Variants in BTBD2 observed in about 807,000 individuals in gnomAD.
BTBD2 encodes BTB/POZ domain-containing protein 2.
In BTBD2, 15 loss-of-function variants were observed where a neutral mutation model predicts 44.0. That is an observed-to-expected ratio of 0.34 (90% CI 0.23 to 0.53). The LOEUF (loss-of-function observed/expected upper bound fraction) is 0.53. BTBD2 is among the 20% of genes least tolerant of loss of function. The probability of loss-of-function intolerance (pLI) is 0.95; values close to 1 mark genes in which losing one functional copy is unlikely to be tolerated. For synonymous variants in BTBD2, 443 were observed against 335.9 expected, an observed-to-expected ratio of 1.32 and a Z score of -3.49; for missense variants, 657 against 746.4, an observed-to-expected ratio of 0.88 and a Z score of 1.39.
chr19:1,999,349 A>C (rs942313260), intron 1 of BTBD2, among the ~76,000 whole-genome samples: 14 of 152,208 alleles, frequency 9.2e-5, no homozygotes, highest in African/African-American at 3.1e-4. Flanking sequence ...GGCTGGCCCT[A>C]AACAGTGGCT....
chr19:1,990,241 A>C (rs1238700748), intron 4 of BTBD2, 40 bp from the exon 5 acceptor site: 49 of 1,551,914 alleles, frequency 3.2e-5, no homozygotes, highest in Non-Finnish European at 4.3e-5. Context: ...CACGACACCC[A>C]CATGCCCACC....
chr19:1,997,015 T>C (rs1250478053), intron 2 of BTBD2, among the ~76,000 whole-genome samples: 5 of 151,802 alleles, frequency 3.3e-5, no homozygotes, highest in Non-Finnish European at 7.4e-5. Flanking sequence ...CCATCTCTAC[T>C]AAAAATACAA....
chr19:2,006,728 G>C (rs1289609293), intron 1 of BTBD2, among the ~76,000 whole-genome samples: 1 of 150,568 alleles, frequency 6.6e-6, no homozygotes, highest in African/African-American at 2.4e-5. Context: ...CACTCTTGTT[G>C]ACCAGGCTGG....
At chr19:2,011,898 A>G (rs2016469288) in intron 1 of BTBD2, among the ~76,000 whole-genome samples, 3 of 151,660 alleles carry the variant, frequency 2.0e-5, no homozygotes, top group African/African-American at 7.3e-5. Flanking sequence ...TCTGTCGCCC[A>G]GGCTGGAGTG....
chr19:2,015,059 G>A (rs1191723877), intron 1 of BTBD2, among the ~76,000 whole-genome samples: 1 of 150,920 alleles, frequency 6.6e-6, no homozygotes, highest in Non-Finnish European at 1.5e-5. Context: ...GAGGGGTGCA[G>A]GGGTCCCAGG....
At chr19:2,009,401 T>A (rs962672312) in intron 1 of BTBD2, among the ~76,000 whole-genome samples, 1 of 151,802 alleles carries the variant, frequency 6.6e-6, no homozygotes, top group Non-Finnish European at 1.5e-5. Flanking sequence ...GGTTTCACCA[T>A]GTTGTCCAGG....
chr19:1,990,615 A>T, intron 4 of BTBD2, 102 bp downstream of exon 4: 1 of 1,094,642 alleles, frequency 9.1e-7, no homozygotes, highest in Non-Finnish European at 1.3e-6. Flanking sequence ...GCCCCAGCTC[A>T]CCTGTGCAAC....
At chr19:1,991,707 C>T (rs575485994) in intron 3 of BTBD2, among the ~76,000 whole-genome samples, 2 of 152,280 alleles carry the variant, frequency 1.3e-5, no homozygotes, top group Admixed American at 6.5e-5. Flanking sequence ...TCCCCTCTGG[C>T]CACCCTCCAC....
intron 1 of BTBD2, among the ~76,000 whole-genome samples, chr19:2,000,630 T>C (rs2016317249): frequency 6.6e-6 from 1 of 152,142 alleles, no homozygotes; most frequent in South Asian, 2.1e-4. Flanking sequence ...CTGCCTCCTC[T>C]GCCCACCGTG....
At chr19:2,010,588 C>T (rs914862974) in intron 1 of BTBD2, among the ~76,000 whole-genome samples, 4 of 152,112 alleles carry the variant, frequency 2.6e-5, no homozygotes, top group African/African-American at 7.2e-5. Context: ...CTCTGCTCAT[C>T]GGTGAACTCC....
At position 2,008,008 on chromosome 19, in the gene BTBD2, C is replaced by CTT. The variant is rs59464609; in HGVS notation, c.407+7287_407+7288dup. 9.1e-3 allele frequency among the ~76,000 whole-genome samples: 1,303 copies of CTT among 142,992 alleles called. 12 individuals are homozygous for CTT. Among genetic ancestry groups the CTT allele is most frequent in the African/African-American group, 0.031 (1,211 of 39,152 alleles). 93.8% of individuals were successfully genotyped at this position (142,992 alleles called of 152,430 possible). The stretch of plus-strand genomic sequence containing the variant: ...AATGTGTCAGACCAGCTGAGAAAGT[C>CTT]TTTTTTTTTTTTTGAGACAGAATTT... On this transcript the variant is annotated intron_variant, in intron 1 of 8. Coordinates refer to ENST00000255608, the MANE Select transcript of BTBD2 (RefSeq NM_017797.4).
intron 1 of BTBD2, among the ~76,000 whole-genome samples, chr19:2,012,795 G>C (rs117683714): frequency 6.6e-6 from 1 of 152,094 alleles, no homozygotes; most frequent in African/African-American, 2.4e-5. Flanking sequence ...CTTTGCAACC[G>C]AGCCAGCGGT....
intron 6 of BTBD2, 100 bp downstream of exon 6, chr19:1,987,400 T>C (rs2016104670): frequency 9.7e-7 from 1 of 1,030,282 alleles, no homozygotes; most frequent in Non-Finnish European, 1.3e-6. Context: ...GTCTTCATCA[T>C]CCCTGAGTTC....
intron 1 of BTBD2, chr19:2,014,449 G>C (rs1197865827): frequency 1.3e-5 from 2 of 153,684 alleles, no homozygotes; most frequent in East Asian, 3.9e-4. Context: ...AGGGGACCCA[G>C]GGATGCAGGC....
chr19:1,997,206 A>C (rs2016262454), intron 2 of BTBD2, 138 bp downstream of exon 2: 2 of 1,303,142 alleles, frequency 1.5e-6, no homozygotes, highest in African/African-American at 1.5e-5. Flanking sequence ...GTGCCTCTGG[A>C]ACCCCTCATT....
At chr19:1,986,808 A>AC in intron 8 of BTBD2, 22 bp downstream of exon 8, 1 of 1,590,122 alleles carries the variant, frequency 6.3e-7, no homozygotes, top group Admixed American at 1.7e-5. Flanking sequence ...CCACGGAGGG[A>AC]CCCCTGTCCC....
rs141443404 is a variant in BTBD2 at position 2,012,309 on chromosome 19, C to T, written c.407+2988G>A. 6.0e-5 allele frequency among the ~76,000 whole-genome samples: 9 copies of T among 150,818 alleles called. No homozygotes were observed. The South Asian group carries it at 6.2e-4, about 10-fold the overall frequency. The stretch of plus-strand genomic sequence containing the variant: ...CTGGGATTACAGGTGTGCGCCACCA[C>T]GCCCGGCTAATTTTTGTATTTTTGT... On this transcript the variant is annotated intron_variant, in intron 1 of 8. Transcript: ENST00000255608.
At chr19:2,004,380 A>C (rs1264643211) in intron 1 of BTBD2, among the ~76,000 whole-genome samples, 2 of 150,300 alleles carry the variant, frequency 1.3e-5, no homozygotes, top group Non-Finnish European at 3.0e-5. Flanking sequence ...AAATCACAAA[A>C]TCTGCCTCCC....
At position 2,015,564 on chromosome 19, in the gene BTBD2, G is replaced by A. The variant is rs2016524907; in HGVS notation, c.140C>T (p.Ala47Val). The change falls in exon 1 of 9, where the codon GCC becomes GTC. Residue 47 changes from alanine to valine, a missense_variant. Ala to Val is a moderately conservative substitution (Grantham distance 64). Coordinates refer to ENST00000255608, the MANE Select transcript of BTBD2 (RefSeq NM_017797.4). ...AGGGGCGGCGGCGGCGGCGGCGGCG[G>A]CGGCGGCGGCGGCGGCCGCGTTGCC... Reference protein sequence around the residue: ...APGNAAAAAAAAAAAAAAPGP... With the variant: ...APGNAAAAAAVAAAAAAAPGP... 3.1e-6 allele frequency: 3 copies of A among 952,936 alleles called. No homozygotes were observed. The highest frequency in any genetic ancestry group is 4.7e-5 in the South Asian group (1 of 21,076). The allele number at this position is 952,936 out of a possible 1,614,324, so 59.0% of individuals were successfully genotyped here.
Sources: allele counts gnomAD v4.1 joint callset (sites outside exome capture counted in the v4.1 genomes callset), GRCh38; gene constraint gnomAD v4.1.1; transcripts MANE v1.5; gene names NCBI Gene and HGNC (gene_info 2026-07-23, HGNC 2026-07-21).